CCDC12: variants seen among roughly 807,000 people sequenced by gnomAD.
CCDC12 encodes coiled-coil domain-containing protein 12.
Under a neutral mutation model 25.7 loss-of-function variants are expected in CCDC12, and 28 were observed. That is an observed-to-expected ratio of 1.09 (90% CI 0.81 to 1.50). The LOEUF is 1.50. CCDC12 is among the 40% of genes most tolerant of loss of function. The probability of loss-of-function intolerance (pLI) is 0.00; values close to 1 mark genes in which losing one functional copy is unlikely to be tolerated. For synonymous variants in CCDC12, 75 were observed against 87.7 expected (o/e 0.86, Z 0.81); for missense variants, 198 against 210.0 (o/e 0.94, Z 0.35).
intron 1 of CCDC12, among the ~76,000 whole-genome samples, chr3:46,966,517 A>G (rs1054993952): frequency 1.3e-5 from 2 of 150,806 alleles, no homozygotes; most frequent in Non-Finnish European, 1.5e-5. Context: ...CTCTGTCTCA[A>G]AAAAAAAAAG....
chr3:46,948,105 A>C (rs1382821627), intron 1 of CCDC12, among the ~76,000 whole-genome samples: 1 of 152,244 alleles, frequency 6.6e-6, no homozygotes, highest in African/African-American at 2.4e-5. Flanking sequence ...GTTCTCAGCA[A>C]TCCTGTAAGC....
rs77030353 is a variant in CCDC12, at chr3:46,929,272, T to C, written c.165-3737A>G. Among the ~76,000 whole-genome samples, 885 of 152,032 alleles carry C rather than the reference T, an allele frequency of 5.8e-3. 11 individuals are homozygous for C. The highest frequency in any genetic ancestry group is 0.021 in the African/African-American group (855 of 41,426). ...TTAACAAGTTAACAGAGGAAGAAAG[T>C]GGAATAATTAAAAACAAAAAAATCC... On this transcript the variant is annotated intron_variant, in intron 2 of 6. Transcript: ENST00000683445.
chr3:46,931,364 C>T (rs2033205444), intron 2 of CCDC12, among the ~76,000 whole-genome samples: 1 of 152,170 alleles, frequency 6.6e-6, no homozygotes, highest in Non-Finnish European at 1.5e-5. Context: ...TTGATGTTCT[C>T]TGTCAAGTAT....
chr3:46,925,132 C>T, intron 3 of CCDC12: 1 of 490,952 alleles, frequency 2.0e-6, no homozygotes. Context: ...CCCAAGGGCC[C>T]CATGACCACA....
At chr3:46,979,189 AG>A (rs1489479713), upstream of CCDC12, among the ~76,000 whole-genome samples, 2 of 152,168 alleles carry the variant, frequency 1.3e-5, no homozygotes, top group African/African-American at 4.8e-5. Flanking sequence ...GCGGCCCCGA[AG>A]GTATTTCAGG....
At chr3:46,959,419 C>T (rs547242416) in intron 1 of CCDC12, among the ~76,000 whole-genome samples, 7 of 152,302 alleles carry the variant, frequency 4.6e-5, no homozygotes, top group Non-Finnish European at 7.4e-5. Flanking sequence ...GCACAGAGTA[C>T]GTCCTCAGTC....
intron 1 of CCDC12, among the ~76,000 whole-genome samples, chr3:46,957,996 C>CACATACAT (rs113627328): frequency 7.0e-6 from 1 of 142,582 alleles, no homozygotes; most frequent in African/African-American, 2.6e-5. Context: ...CACACACACA[C>CACATACAT]ATATATATGT....
At chr3:46,950,615 C>A (rs1189400060) in intron 1 of CCDC12, among the ~76,000 whole-genome samples, 1 of 152,106 alleles carries the variant, frequency 6.6e-6, no homozygotes, top group Non-Finnish European at 1.5e-5. Context: ...ACATGCCCAG[C>A]CCATTTTTTA....
chr3:46,950,871 G>C (rs2034090828), intron 1 of CCDC12, among the ~76,000 whole-genome samples: 1 of 152,144 alleles, frequency 6.6e-6, no homozygotes, highest in African/African-American at 2.4e-5. Context: ...CAAATCTGGG[G>C]AACATTATGC....
intron 5 of CCDC12, 83 bp downstream of exon 5, chr3:46,923,246 C>A: frequency 7.4e-7 from 1 of 1,343,940 alleles, no homozygotes; most frequent in Non-Finnish European, 9.8e-7. Flanking sequence ...ACTGTGACGG[C>A]AGGAAGGGCC....
At chr3:46,923,253 G>C in intron 5 of CCDC12, 76 bp downstream of exon 5, 1 of 1,383,088 alleles carries the variant, frequency 7.2e-7, no homozygotes, top group Non-Finnish European at 9.5e-7. Context: ...CGGCAGGAAG[G>C]GCCAAGCCCC....
intron 1 of CCDC12, chr3:46,976,020 A>G (rs1057213390): frequency 6.6e-6 from 1 of 150,862 alleles, no homozygotes; most frequent in African/African-American, 2.5e-5. Context: ...TAATTTTTGT[A>G]TTTTTAGTAG....
chr3:46,964,317 T>A (rs1188039857), intron 1 of CCDC12, among the ~76,000 whole-genome samples: 1 of 143,192 alleles, frequency 7.0e-6, no homozygotes, highest in Non-Finnish European at 1.5e-5. Context: ...AGCCGCCCCA[T>A]CCGGGAGGGA....
chr3:46,951,817 ATATATACT>A (rs1255196701), intron 1 of CCDC12, among the ~76,000 whole-genome samples: 3 of 79,368 alleles, frequency 3.8e-5, no homozygotes, highest in East Asian at 4.9e-4. Flanking sequence ...ATATATATAT[ATATATACT>A]TAATGAGGAT....
At chr3:46,972,587 C>A (rs1350620917) in intron 1 of CCDC12, among the ~76,000 whole-genome samples, 2 of 151,870 alleles carry the variant, frequency 1.3e-5, no homozygotes, top group African/African-American at 4.8e-5. Flanking sequence ...ATCAAAACCA[C>A]AATGGGATAC....
rs2032695447 is a variant in CCDC12, at chr3:46,921,949, C to G, written c.*108G>C. ...TTCAGACTTGATGGGCAGGGAGTCT[C>G]TGCTCAGAAGCCAAACTGGAGGTGA... is the stretch of plus-strand genomic sequence containing the variant. On this transcript the variant is annotated 3_prime_UTR_variant, in exon 7 of 7. Coordinates refer to ENST00000683445, the MANE Select transcript of CCDC12 (RefSeq NM_001277074.2). 5.8e-6 allele frequency: 7 copies of G among 1,206,356 alleles called. No homozygotes were observed. Among genetic ancestry groups the G allele is most frequent in the Non-Finnish European group, 8.3e-6 (7 of 838,600 alleles). The allele number at this position is 1,206,356 out of a possible 1,614,324, so 74.7% of individuals were successfully genotyped here. A position where few individuals can be genotyped will look rare whatever the true frequency, so the allele number is the denominator to read the frequency against.
At chr3:46,971,290 G>A (rs568050425) in intron 1 of CCDC12, among the ~76,000 whole-genome samples, 3 of 152,318 alleles carry the variant, frequency 2.0e-5, no homozygotes, top group East Asian at 3.9e-4. Context: ...GCGTGTCAAC[G>A]GGAACTGGCT....
chr3:46,963,169 G>GT (rs2034514379), intron 1 of CCDC12, among the ~76,000 whole-genome samples: 1 of 152,222 alleles, frequency 6.6e-6, no homozygotes, highest in Non-Finnish European at 1.5e-5. Context: ...CCCTTGAAGA[G>GT]TGAGCACCTG....
At chr3:46,947,756 A>T (rs2033962407) in intron 1 of CCDC12, among the ~76,000 whole-genome samples, 1 of 152,190 alleles carries the variant, frequency 6.6e-6, no homozygotes, top group South Asian at 2.1e-4. Context: ...GCCTGACACC[A>T]ACTACAGCAG....
Sources: gnomAD v4.1 joint callset for allele counts (sites outside exome capture counted in the v4.1 genomes callset) on GRCh38, gnomAD v4.1.1 for gene constraint, MANE v1.5 for transcripts, NCBI Gene and HGNC (gene_info 2026-07-23, HGNC 2026-07-21) for gene names.